Variants in MTF2 observed in about 807,000 individuals in gnomAD.
MTF2 encodes metal response element binding transcription factor 2, also known as metal-response element-binding transcription factor 2.
MTF2 carries 11 observed loss-of-function variants against 79.5 expected under a neutral mutation model. The observed-to-expected ratio is 0.14, with a 90% CI of 0.09 to 0.23. The LOEUF is 0.23. Ranked by LOEUF, MTF2 falls within the 10% of genes least tolerant of loss-of-function variation. MTF2 has a pLI of 1.00. For synonymous variants in MTF2, 208 were observed against 232.8 expected (o/e 0.89, Z 0.97); for missense variants, 486 against 711.2 (o/e 0.68, Z 3.60).
intron 11 of MTF2, among the ~76,000 whole-genome samples, chr1:93,130,029 G>A (rs1009228749): frequency 1.3e-5 from 2 of 152,142 alleles, no homozygotes; most frequent in Admixed American, 1.3e-4. Context: ...CTTAAAGAAT[G>A]AGAATGTTAT....
intron 10 of MTF2, among the ~76,000 whole-genome samples, chr1:93,128,299 T>C (rs1656780150): frequency 6.6e-6 from 1 of 152,096 alleles, no homozygotes; most frequent in Non-Finnish European, 1.5e-5. Flanking sequence ...GGCTCACACC[T>C]GTAATCCCAG....
At chr1:93,093,617 A>G (rs1180764209) in intron 1 of MTF2, among the ~76,000 whole-genome samples, 2 of 152,194 alleles carry the variant, frequency 1.3e-5, no homozygotes, top group African/African-American at 4.8e-5. Context: ...ATTAAGCTCA[A>G]ATAAAGTGTG....
intron 1 of MTF2, among the ~76,000 whole-genome samples, chr1:93,099,024 C>T (rs372927088): frequency 2.6e-4 from 39 of 152,144 alleles, no homozygotes; most frequent in African/African-American, 9.2e-4. Flanking sequence ...TGGACACTAC[C>T]CACCTATACC....
chr1:93,096,439 A>G (rs1208524382), intron 1 of MTF2, among the ~76,000 whole-genome samples: 1 of 152,112 alleles, frequency 6.6e-6, no homozygotes, highest in Non-Finnish European at 1.5e-5. Flanking sequence ...CCTAGACGTC[A>G]TGAATAATAT....
intron 10 of MTF2, among the ~76,000 whole-genome samples, chr1:93,127,589 A>C (rs1656749529): frequency 6.6e-6 from 1 of 152,158 alleles, no homozygotes; most frequent in African/African-American, 2.4e-5. Context: ...TTCCTTCTAT[A>C]ATGTAATGTA....
At position 93,110,515 on chromosome 1, in the gene MTF2, A is replaced by G. The variant is rs575587667; in HGVS notation, c.205-30A>G. The G allele has an allele frequency of 2.5e-6, 4 of 1,602,674 alleles. No individual in the cohort carries two copies. In the African/African-American group the frequency reaches 4.0e-5, roughly 16 times the overall value. On this transcript the variant is annotated intron_variant, in intron 2 of 14. Transcript: ENST00000370298. ...AACTTCATGTTTTTAATTTTAAGAG[A>G]TCACCGTTAAGTATTTCTCTGTATT...
In MTF2 at chr1:93,130,894, G is replaced by A. The variant is rs977364681; in HGVS notation, c.1160+1446G>A. Among the ~76,000 whole-genome samples, 11 of 152,166 alleles carry A rather than the reference G, an allele frequency of 7.2e-5. No homozygotes were observed. The South Asian group carries it at 2.1e-3, about 29-fold the overall frequency. On this transcript the variant is annotated intron_variant, in intron 11 of 14. Coordinates refer to ENST00000370298, the MANE Select transcript of MTF2 (RefSeq NM_007358.4). ...AAGAACAGATTTTGGTATGGTGAATGAAGCATTCTTCTGTTTCATATTCAT... is the reference window on the plus strand; with the variant it reads ...AAGAACAGATTTTGGTATGGTGAATAAAGCATTCTTCTGTTTCATATTCAT...
chr1:93,100,498 A>C (rs1383012805), intron 1 of MTF2, among the ~76,000 whole-genome samples: 1 of 151,862 alleles, frequency 6.6e-6, no homozygotes, highest in African/African-American at 2.4e-5. Context: ...GTAGAGACGG[A>C]GTTTCACTGT....
chr1:93,132,238 G>A (rs1328290052), intron 11 of MTF2, among the ~76,000 whole-genome samples: 1 of 152,176 alleles, frequency 6.6e-6, no homozygotes, highest in African/African-American at 2.4e-5. Flanking sequence ...AAGTTTGTAA[G>A]AAATTAGCTA....
chr1:93,133,670 A>G lies in MTF2; in HGVS notation c.1161-33A>G, dbSNP rs371357974. On this transcript the variant is annotated intron_variant, in intron 11 of 14. Coordinates refer to ENST00000370298, the MANE Select transcript of MTF2 (RefSeq NM_007358.4). ...GTCAATGTCTTTGTTTTCTTTATGC[A>G]GAGATTAAATGCATAATGGTTTTCC... 3.1e-4 allele frequency: 461 copies of G among 1,468,746 alleles called. 1 individual carries two copies. Among genetic ancestry groups the G allele is most frequent in the Non-Finnish European group, 3.2e-4 (338 of 1,063,218 alleles). 91.0% of individuals were successfully genotyped at this position (1,468,746 alleles called of 1,614,324 possible).
chr1:93,118,449 G>T lies in MTF2; in HGVS notation c.728+9G>T. ...ATGCTATTTGGAGACAGGTGAGAAG[G>T]GCATTTGAACTTTACTGGCTGATTT... On this transcript the variant is annotated intron_variant, in intron 7 of 14. Coordinates refer to ENST00000370298, the MANE Select transcript of MTF2 (RefSeq NM_007358.4). The T allele has an allele frequency of 6.4e-7, 1 of 1,559,128 alleles. No individual in the cohort carries two copies. The highest frequency in any genetic ancestry group is 8.7e-7 in the Non-Finnish European group (1 of 1,153,152).
At chr1:93,117,623 T>A (rs972626326) in intron 6 of MTF2, among the ~76,000 whole-genome samples, 1 of 152,164 alleles carries the variant, frequency 6.6e-6, no homozygotes, top group Non-Finnish European at 1.5e-5. Flanking sequence ...AGTAAAGATA[T>A]GAAGTGGAAT....
intron 1 of MTF2, among the ~76,000 whole-genome samples, chr1:93,085,221 G>C (rs1654786221): frequency 6.6e-6 from 1 of 150,864 alleles, no homozygotes; most frequent in Admixed American, 6.6e-5. Flanking sequence ...CGGAGTCCAG[G>C]CTGGAGTGCA....
rs944919966 is a variant in MTF2, at chr1:93,114,873, A to G, written c.382+90A>G. The G allele has an allele frequency of 4.8e-6, 6 of 1,247,950 alleles. No homozygotes were observed. In the African/African-American group the frequency reaches 9.2e-5, roughly 19 times the overall value. The allele number at this position is 1,247,950 out of a possible 1,614,324, so 77.3% of individuals were successfully genotyped here. On this transcript the variant is annotated intron_variant, in intron 4 of 14. Coordinates refer to ENST00000370298, the MANE Select transcript of MTF2 (RefSeq NM_007358.4). ...AAATACTTTACATTGATAATTTGAA[A>G]TTATCCTTTTTATTAATTATATTAA...
intron 1 of MTF2, among the ~76,000 whole-genome samples, chr1:93,080,764 C>CT (rs34251431): frequency 0.014 from 1,976 of 136,718 alleles, 11 homozygotes; most frequent in East Asian, 0.038. Flanking sequence ...TTGGGAATTC[C>CT]TTTTTTTTTT....
At chr1:93,090,857 G>T (rs1655047268) in intron 1 of MTF2, among the ~76,000 whole-genome samples, 1 of 151,558 alleles carries the variant, frequency 6.6e-6, no homozygotes, top group African/African-American at 2.4e-5. Context: ...TAGAGATGGG[G>T]TTTCATCGTG....
At chr1:93,125,315 T>G (rs1656651255) in intron 9 of MTF2, among the ~76,000 whole-genome samples, 1 of 151,596 alleles carries the variant, frequency 6.6e-6, no homozygotes, top group Admixed American at 6.6e-5. Context: ...TTTTTTTTTT[T>G]TTTTTTTTAT....
intron 9 of MTF2, 86 bp from the exon 10 acceptor site, chr1:93,127,146 C>T (rs1172380572): frequency 2.3e-6 from 2 of 881,428 alleles, no homozygotes; most frequent in South Asian, 2.8e-5. Flanking sequence ...CACTTTTCCT[C>T]TGCATCACAT....
intron 1 of MTF2, among the ~76,000 whole-genome samples, chr1:93,100,125 C>T (rs543610119): frequency 9.2e-5 from 14 of 151,906 alleles, no homozygotes; most frequent in Admixed American, 4.6e-4. Flanking sequence ...TTTGTAAATA[C>T]GAGGGTACCT....
Sources: gnomAD v4.1 joint callset for allele counts (sites outside exome capture counted in the v4.1 genomes callset) on GRCh38, gnomAD v4.1.1 for gene constraint, MANE v1.5 for transcripts, NCBI Gene and HGNC (gene_info 2026-07-23, HGNC 2026-07-21) for gene names.